The following TOMM20 variants were observed in gnomAD, a reference collection of about 807,000 sequenced individuals.
The protein encoded by TOMM20 is mitochondrial import receptor subunit TOM20 homolog.
A neutral mutation model predicts 22.1 loss-of-function variants in TOMM20; 10 were observed. The ratio of observed to expected loss-of-function variants is 0.45; its 90% CI spans 0.28 to 0.77. The LOEUF (loss-of-function observed/expected upper bound fraction) is 0.77. TOMM20 is among the 30% of genes least tolerant of loss of function. The probability of loss-of-function intolerance (pLI) is 0.13; values close to 1 mark genes in which losing one functional copy is unlikely to be tolerated. For missense variants in TOMM20, 121 were observed against 172.2 expected, an observed-to-expected ratio of 0.70 and a Z score of 1.66; for synonymous variants, 55 against 61.4, an observed-to-expected ratio of 0.90 and a Z score of 0.49.
At chr1:235,127,629 G>C (rs183969865) in intron 1 of TOMM20, among the ~76,000 whole-genome samples, 1 of 152,140 alleles carries the variant, frequency 6.6e-6, no homozygotes, top group African/African-American at 2.4e-5. Context: ...AGTAACTTAC[G>C]TATCAATTTT....
chr1:235,127,885 TCA>T (rs753038904), intron 1 of TOMM20: 1 of 519,128 alleles, frequency 1.9e-6, no homozygotes, highest in Non-Finnish European at 3.8e-6. Flanking sequence ...TAGCATTCAC[TCA>T]TATCTTGGAA....
intron 2 of TOMM20, among the ~76,000 whole-genome samples, chr1:235,122,030 A>T (rs1660939321): frequency 6.6e-6 from 1 of 152,186 alleles, no homozygotes; most frequent in African/African-American, 2.4e-5. Context: ...GCTGATTAGG[A>T]ACTTTTCATC....
intron 1 of TOMM20, among the ~76,000 whole-genome samples, chr1:235,125,770 C>A (rs1200099511): frequency 6.7e-6 from 1 of 150,096 alleles, no homozygotes; most frequent in African/African-American, 2.5e-5. Context: ...GACCGAGTCT[C>A]GCTCTGTCCC....
chr1:235,113,632 G>T, intron 4 of TOMM20, 136 bp downstream of exon 4: 2 of 1,119,768 alleles, frequency 1.8e-6, no homozygotes, highest in Non-Finnish European at 2.5e-6. Flanking sequence ...AATGTCAAGC[G>T]CTGATATCTC....
intron 2 of TOMM20, among the ~76,000 whole-genome samples, chr1:235,120,941 C>T (rs1376153092): frequency 6.6e-6 from 1 of 151,192 alleles, no homozygotes; most frequent in Non-Finnish European, 1.5e-5. Flanking sequence ...GTGGCTCATG[C>T]CTGTAATCCC....
chr1:235,124,306 C>G lies in TOMM20; in HGVS notation c.122-1934G>C, dbSNP rs1422435111. On this transcript the variant is annotated intron_variant, in intron 1 of 4. Transcript: ENST00000366607. ...AGGTTGCAGTAAGCTGAGATAGCGC[C>G]ACTGCGCTCCAGCCTGGGCCACAGA... Among the ~76,000 whole-genome samples, 3 of 152,360 alleles carry G rather than the reference C, an allele frequency of 2.0e-5. No homozygotes were observed. The East Asian group carries it at 5.8e-4, about 29-fold the overall frequency.
chr1:235,118,089 CT>C (rs1409703846), intron 3 of TOMM20, among the ~76,000 whole-genome samples: 1 of 152,096 alleles, frequency 6.6e-6, no homozygotes, highest in Non-Finnish European at 1.5e-5. Context: ...ATAATTAAAT[CT>C]CTTCTGAACT....
chr1:235,123,206 G>A (rs1660956174), intron 1 of TOMM20, among the ~76,000 whole-genome samples: 1 of 152,182 alleles, frequency 6.6e-6, no homozygotes, highest in Non-Finnish European at 1.5e-5. Context: ...GAGGTCTGAG[G>A]GCCGGGCCCA....
At chr1:235,123,989 T>G (rs1052264622) in intron 1 of TOMM20, among the ~76,000 whole-genome samples, 1 of 152,276 alleles carries the variant, frequency 6.6e-6, no homozygotes, top group Non-Finnish European at 1.5e-5. Context: ...CACTAAGTTT[T>G]AGATGCTACA....
rs1660745694 is a variant in TOMM20 at position 235,111,989 on chromosome 1, C to T, written c.*75G>A. ...CATAACAAGCATATTTGCCCTTATT[C>T]CCCCAGAGCTGCTCAACTACCAAGA... On this transcript the variant is annotated 3_prime_UTR_variant, in exon 5 of 5. Transcript: ENST00000366607. 1 of 1,259,640 alleles carries T rather than the reference C, an allele frequency of 7.9e-7. No homozygotes were observed. Among genetic ancestry groups the T allele is most frequent in the Non-Finnish European group, 1.1e-6 (1 of 877,690 alleles). The allele number at this position is 1,259,640 out of a possible 1,614,324, so 78.0% of individuals were successfully genotyped here.
intron 1 of TOMM20, among the ~76,000 whole-genome samples, chr1:235,126,413 T>C (rs894195547): frequency 3.3e-5 from 5 of 151,986 alleles, no homozygotes; most frequent in African/African-American, 4.8e-5. Flanking sequence ...TTACTAGCGT[T>C]GAGCCACCAC....
chr1:235,119,865 T>A lies in TOMM20; in HGVS notation c.203A>T (p.Lys68Met), dbSNP rs1332327493. ...AAGCTGTATTTCTTCAAGGAAGAAC[T>A]TCTGAACAGCTTCAGCATCTTTAAG... Reference protein sequence around the residue: ...PDLKDAEAVQKFFLEEIQLGE... With the variant: ...PDLKDAEAVQMFFLEEIQLGE... The change falls in exon 3 of 5, where the codon AAG becomes ATG. Residue 68 changes from lysine to methionine, a missense_variant. Physicochemically the swap from Lys to Met is moderately conservative, Grantham distance 95. Transcript: ENST00000366607. The A allele has an allele frequency of 2.5e-6, 4 of 1,612,464 alleles. No individual in the cohort carries two copies. Among genetic ancestry groups the A allele is most frequent in the Non-Finnish European group, 3.4e-6 (4 of 1,179,104 alleles).
intron 3 of TOMM20, 111 bp downstream of exon 3, chr1:235,119,707 T>A: frequency 1.7e-6 from 1 of 594,158 alleles, no homozygotes; most frequent in Non-Finnish European, 2.9e-6. Flanking sequence ...TTGAGATACT[T>A]GGAGTACCTT....
In TOMM20 at chr1:235,110,119, T is replaced by C. The variant is rs1660715989; in HGVS notation, c.*1945A>G. On this transcript the variant is annotated 3_prime_UTR_variant, in exon 5 of 5. Coordinates refer to ENST00000366607, the MANE Select transcript of TOMM20 (RefSeq NM_014765.3). The stretch of plus-strand genomic sequence containing the variant: ...GGGTTAATGAACTGTAAAATGAAGA[T>C]ACCAACGCCTTTTCAAGCATTACAG... 1 of 152,156 alleles carries C rather than the reference T, an allele frequency of 6.6e-6. No homozygotes were observed. The highest frequency in any genetic ancestry group is 2.1e-4 in the South Asian group (1 of 4,832). 9.4% of individuals were successfully genotyped at this position (152,156 alleles called of 1,614,324 possible).
chr1:235,124,586 T>C (rs182975363), intron 1 of TOMM20, among the ~76,000 whole-genome samples: 4 of 152,334 alleles, frequency 2.6e-5, no homozygotes, highest in Admixed American at 6.5e-5. Context: ...ATCAACTGTA[T>C]GTGAGACATA....
intron 3 of TOMM20, among the ~76,000 whole-genome samples, chr1:235,114,333 G>T (rs1281253070): frequency 6.8e-6 from 1 of 147,500 alleles, no homozygotes; most frequent in Non-Finnish European, 1.5e-5. Flanking sequence ...CGCATGGGAA[G>T]AAAAAAAAAT....
chr1:235,113,963 A>G, intron 3 of TOMM20, 53 bp from the exon 4 acceptor site: 2 of 1,512,120 alleles, frequency 1.3e-6, no homozygotes, highest in African/African-American at 2.8e-5. Flanking sequence ...GGCCTTTGTC[A>G]AAATTAACTT....
intron 1 of TOMM20, among the ~76,000 whole-genome samples, chr1:235,122,619 G>T (rs1660946769): frequency 1.3e-5 from 2 of 152,208 alleles, no homozygotes; most frequent in African/African-American, 4.8e-5. Flanking sequence ...GCAAGATGGA[G>T]ATAGCTCCAA....
chr1:235,128,811 A>G lies in TOMM20; in HGVS notation c.-96T>C. On this transcript the variant is annotated 5_prime_UTR_variant, in exon 1 of 5. Coordinates refer to ENST00000366607, the MANE Select transcript of TOMM20 (RefSeq NM_014765.3). Reference sequence around the variant, plus strand: ...GAGCGGTCGGCGCAGCTCACACCCGACGGCCGCGGGCCAGGAACACAGAAA... The same window carrying G: ...GAGCGGTCGGCGCAGCTCACACCCGGCGGCCGCGGGCCAGGAACACAGAAA... 3 of 1,562,400 alleles carry G rather than the reference A, an allele frequency of 1.9e-6. No homozygotes were observed. The highest frequency in any genetic ancestry group is 2.6e-6 in the Non-Finnish European group (3 of 1,156,264).
Sources: allele counts gnomAD v4.1 joint callset (sites outside exome capture counted in the v4.1 genomes callset), GRCh38; gene constraint gnomAD v4.1.1; transcripts MANE v1.5; gene names NCBI Gene and HGNC (gene_info 2026-07-23, HGNC 2026-07-21).